The following CADM1 variants were observed in gnomAD, a reference collection of about 807,000 sequenced individuals.
CADM1 encodes the protein TSLC-1.
In CADM1, 15 loss-of-function variants were observed where a neutral mutation model predicts 53.1. The observed-to-expected ratio is 0.28, with a 90% CI of 0.19 to 0.44. The LOEUF is 0.44. CADM1 is among the 20% of genes least tolerant of loss of function. The pLI, the probability that CADM1 is intolerant of heterozygous loss-of-function variation, is 1.00. For missense variants in CADM1, 434 were observed against 611.3 expected (o/e 0.71, Z 3.06); for synonymous variants, 281 against 243.0 (o/e 1.16, Z -1.45).
rs76703285 is a variant in CADM1 at position 115,381,825 on chromosome 11, T to C, written c.124+122446A>G. On this transcript the variant is annotated intron_variant, in intron 1 of 11. Coordinates refer to ENST00000331581, the MANE Select transcript of CADM1 (RefSeq NM_001301043.2). ...AGATGACTTTTAAGTGGTATACAAA[T>C]AAAAATCTATAAGTTCTAATAATAG... Among the ~76,000 whole-genome samples, 223 of 152,266 alleles carry C rather than the reference T, an allele frequency of 1.5e-3. 1 individual carries two copies. Among genetic ancestry groups the C allele is most frequent in the Middle Eastern group, 6.8e-3 (2 of 294 alleles).
intron 7 of CADM1, 35 bp downstream of exon 7, chr11:115,214,573 A>C: frequency 6.3e-7 from 1 of 1,587,794 alleles, no homozygotes; most frequent in Non-Finnish European, 8.6e-7. Context: ...CATGTGACTG[A>C]CTCTAGTAGA....
At position 115,399,841 on chromosome 11, in the gene CADM1, C is replaced by G. The variant is rs144112437; in HGVS notation, c.124+104430G>C. Among the ~76,000 whole-genome samples, 257 of 152,232 alleles carry G rather than the reference C, an allele frequency of 1.7e-3. 1 individual carries two copies. The highest frequency in any genetic ancestry group is 5.2e-3 in the South Asian group (25 of 4,820). On this transcript the variant is annotated intron_variant, in intron 1 of 11. Transcript: ENST00000331581. ...GAAACCCTCTTTCACATAGCGTTAG[C>G]CAGTTCACAGTCCACCTGCGGTCTA...
intron 5 of CADM1, among the ~76,000 whole-genome samples, chr11:115,219,162 C>T (rs189698901): frequency 2.0e-5 from 3 of 152,252 alleles, no homozygotes; most frequent in East Asian, 3.9e-4. Context: ...AATCATACCA[C>T]CTAAACAACA....
At chr11:115,485,037 C>T (rs61905849) in intron 1 of CADM1, among the ~76,000 whole-genome samples, 3 of 152,158 alleles carry the variant, frequency 2.0e-5, no homozygotes, top group South Asian at 2.1e-4. Context: ...ATCTCTAAGT[C>T]GAATCCATTT....
chr11:115,392,227 A>G (rs1401597686), intron 1 of CADM1, among the ~76,000 whole-genome samples: 1 of 151,804 alleles, frequency 6.6e-6, no homozygotes, highest in Non-Finnish European at 1.5e-5. Context: ...CTTACTCCCC[A>G]CTCAAATATA....
chr11:115,279,054 G>A (rs1943519585), intron 1 of CADM1, among the ~76,000 whole-genome samples: 1 of 152,092 alleles, frequency 6.6e-6, no homozygotes, highest in African/African-American at 2.4e-5. Context: ...CTGCAGATTT[G>A]GGAATCACCC....
At position 115,313,013 on chromosome 11, in the gene CADM1, G is replaced by GAA. The variant is rs760815656; in HGVS notation, c.125-72595_125-72594dup. On this transcript the variant is annotated intron_variant, in intron 1 of 11. Coordinates refer to ENST00000331581, the MANE Select transcript of CADM1 (RefSeq NM_001301043.2). ...GTAAATGATTTTTTAGATCCTTGGA[G>GAA]AAAAAAAAAACTAGAAAAGCAGCAA... is the stretch of plus-strand genomic sequence containing the variant. Among the ~76,000 whole-genome samples, 6 of 147,934 alleles carry GAA rather than the reference G, an allele frequency of 4.1e-5. 1 individual carries two copies. The highest frequency in any genetic ancestry group is 1.5e-4 in the African/African-American group (6 of 40,392).
chr11:115,349,559 C>T (rs1035243232), intron 1 of CADM1, among the ~76,000 whole-genome samples: 1 of 152,148 alleles, frequency 6.6e-6, no homozygotes, highest in South Asian at 2.1e-4. Context: ...TGTTCAAGCC[C>T]GTATTTCAAA....
chr11:115,216,191 A>G (rs997977129), intron 6 of CADM1, among the ~76,000 whole-genome samples: 6 of 152,216 alleles, frequency 3.9e-5, no homozygotes, highest in Non-Finnish European at 8.8e-5. Flanking sequence ...TTGAGAAAAT[A>G]AATAAGTAAC....
chr11:115,439,650 G>C (rs1012675537), intron 1 of CADM1, among the ~76,000 whole-genome samples: 4 of 152,210 alleles, frequency 2.6e-5, no homozygotes, highest in Non-Finnish European at 5.9e-5. Context: ...GCAAAGTCAT[G>C]AATGTACATC....
intron 1 of CADM1, among the ~76,000 whole-genome samples, chr11:115,384,648 G>C (rs1050586014): frequency 6.6e-6 from 1 of 152,186 alleles, no homozygotes; most frequent in African/African-American, 2.4e-5. Flanking sequence ...ACCCTGGATT[G>C]TGTATTGGAC....
intron 1 of CADM1, among the ~76,000 whole-genome samples, chr11:115,386,687 A>T (rs2135169365): frequency 7.5e-6 from 1 of 132,822 alleles, no homozygotes; most frequent in East Asian, 2.3e-4. Context: ...TAATCCATGA[A>T]TAGATTAATC....
intron 9 of CADM1, chr11:115,194,144 C>T (rs1337607842): frequency 3.3e-5 from 5 of 151,960 alleles, no homozygotes; most frequent in African/African-American, 1.2e-4. Context: ...TCTGCAGAGT[C>T]CCGTGACTGA....
chr11:115,254,769 G>T (rs1701449097), intron 1 of CADM1, among the ~76,000 whole-genome samples: 1 of 152,084 alleles, frequency 6.6e-6, no homozygotes, highest in Admixed American at 6.6e-5. Flanking sequence ...AATACAGTGT[G>T]CTCTGAATAG....
intron 1 of CADM1, among the ~76,000 whole-genome samples, chr11:115,372,734 T>C (rs1270342791): frequency 6.6e-6 from 1 of 152,170 alleles, no homozygotes; most frequent in Non-Finnish European, 1.5e-5. Context: ...TGTTCAGATA[T>C]AGATCTATAG....
chr11:115,356,684 C>G (rs531345464), intron 1 of CADM1, among the ~76,000 whole-genome samples: 1 of 152,038 alleles, frequency 6.6e-6, no homozygotes, highest in African/African-American at 2.4e-5. Context: ...ATGTAAATCC[C>G]AATGTGACCT....
intron 1 of CADM1, among the ~76,000 whole-genome samples, chr11:115,375,506 A>G (rs1425243661): frequency 6.6e-6 from 1 of 152,180 alleles, no homozygotes; most frequent in Non-Finnish European, 1.5e-5. Flanking sequence ...TACTTCAACT[A>G]AAAAATAGTT....
chr11:115,373,583 C>CAAAAAAAAAAAAAAAAAAAAAAA (rs35059216), intron 1 of CADM1, among the ~76,000 whole-genome samples: 1 of 48,830 alleles, frequency 2.0e-5, no homozygotes, highest in African/African-American at 1.1e-4. Context: ...GACTCTGTCT[C>CAAAAAAAAAAAAAAAAAAAAAAA]AAAAAAAAAA....
At chr11:115,483,985 A>G (rs570934492) in intron 1 of CADM1, among the ~76,000 whole-genome samples, 3 of 152,294 alleles carry the variant, frequency 2.0e-5, no homozygotes, top group East Asian at 3.9e-4. Context: ...CCAGAGCTCT[A>G]CTGATCAACT....
Sources: gnomAD v4.1 joint callset for allele counts (sites outside exome capture counted in the v4.1 genomes callset) on GRCh38, gnomAD v4.1.1 for gene constraint, MANE v1.5 for transcripts, NCBI Gene and HGNC (gene_info 2026-07-23, HGNC 2026-07-21) for gene names.